The following COL24A1 variants were observed in gnomAD, a reference collection of about 807,000 sequenced individuals.
COL24A1 encodes collagen type XXIV alpha 1 chain.
A neutral mutation model predicts 253.9 loss-of-function variants in COL24A1; 224 were observed. That is an observed-to-expected ratio of 0.88 (90% CI 0.79 to 0.99). The LOEUF is 0.99. Among genes scored for constraint, COL24A1 ranks in the 50% least tolerant of loss-of-function variants. The pLI is 0.00. For missense variants in COL24A1, 2,131 were observed against 2,068.5 expected, an observed-to-expected ratio of 1.03 and a Z score of -0.59; for synonymous variants, 685 against 673.7, an observed-to-expected ratio of 1.02 and a Z score of -0.26.
chr1:86,078,999 C>T (rs1702443080), intron 7 of COL24A1, among the ~76,000 whole-genome samples: 1 of 152,100 alleles, frequency 6.6e-6, no homozygotes, highest in African/African-American at 2.4e-5. Flanking sequence ...ATAGCCAAAG[C>T]TATCCTAAGC....
chr1:85,782,169 C>T (rs992356338), intron 51 of COL24A1, among the ~76,000 whole-genome samples: 2 of 152,178 alleles, frequency 1.3e-5, no homozygotes, highest in Non-Finnish European at 2.9e-5. Context: ...TCACTGTAAC[C>T]TTTGCCTCCT....
intron 10 of COL24A1, among the ~76,000 whole-genome samples, chr1:86,055,137 C>G (rs1018593498): frequency 6.6e-6 from 1 of 152,080 alleles, no homozygotes; most frequent in Non-Finnish European, 1.5e-5. Context: ...ACTATAGATT[C>G]CCTAAGGAGG....
intron 35 of COL24A1, among the ~76,000 whole-genome samples, chr1:85,870,363 GA>G (rs1205427851): frequency 1.8e-4 from 28 of 152,194 alleles, no homozygotes; most frequent in Non-Finnish European, 3.2e-4. Context: ...GACATCTACA[GA>G]ACTTTCCACC....
chr1:85,781,109 T>A, intron 52 of COL24A1, 111 bp downstream of exon 52: 2 of 744,886 alleles, frequency 2.7e-6, no homozygotes, highest in Admixed American at 5.3e-5. Flanking sequence ...AATGTATATC[T>A]ATTTTTTCCA....
chr1:85,817,600 T>A lies in COL24A1; in HGVS notation c.3843+434A>T, dbSNP rs563320915. On this transcript the variant is annotated intron_variant, in intron 46 of 59. Coordinates refer to ENST00000370571, the MANE Select transcript of COL24A1 (RefSeq NM_152890.7). ...GTGAGGTAAAAGTTAATCTTTGTGATGAAAAGATTAAATTTTTTTTCCTAA... is the reference window on the plus strand; with the variant it reads ...GTGAGGTAAAAGTTAATCTTTGTGAAGAAAAGATTAAATTTTTTTTCCTAA... Among the ~76,000 whole-genome samples, 21 of 152,312 alleles carry A rather than the reference T, an allele frequency of 1.4e-4. No homozygotes were observed. In the East Asian group the frequency reaches 3.7e-3, roughly 27 times the overall value.
intron 47 of COL24A1, among the ~76,000 whole-genome samples, chr1:85,792,407 C>T (rs993156074): frequency 1.3e-5 from 2 of 151,050 alleles, no homozygotes; most frequent in African/African-American, 4.9e-5. Flanking sequence ...AAAGATGAGA[C>T]CAGGTGTGGT....
intron 53 of COL24A1, among the ~76,000 whole-genome samples, chr1:85,768,639 T>C (rs1031134460): frequency 6.6e-6 from 1 of 151,978 alleles, no homozygotes; most frequent in Admixed American, 6.6e-5. Flanking sequence ...CATATTCAGA[T>C]CTGGAAAGAA....
chr1:85,947,321 G>A (rs751040919), intron 24 of COL24A1, among the ~76,000 whole-genome samples: 2 of 152,110 alleles, frequency 1.3e-5, no homozygotes, highest in Non-Finnish European at 2.9e-5. Flanking sequence ...AGATAATCAG[G>A]AAACAAAGGT....
At chr1:85,877,356 G>A (rs114920863) in intron 32 of COL24A1, among the ~76,000 whole-genome samples, 181 bp from the exon 33 acceptor site, 2,425 of 152,146 alleles carry the variant, frequency 0.016, 61 homozygotes, top group African/African-American at 0.055. Context: ...ATTGATTCAT[G>A]TATGTGTGTG....
intron 12 of COL24A1, among the ~76,000 whole-genome samples, chr1:86,045,153 C>G (rs1330773570): frequency 1.3e-5 from 2 of 151,998 alleles, no homozygotes; most frequent in Non-Finnish European, 2.9e-5. Flanking sequence ...CCACAGCCAG[C>G]TAATTTTTGT....
At chr1:85,757,517 A>T (rs761713496) in intron 55 of COL24A1, among the ~76,000 whole-genome samples, 10 of 152,174 alleles carry the variant, frequency 6.6e-5, no homozygotes, top group Non-Finnish European at 1.0e-4. Flanking sequence ...AGTCATGCTA[A>T]GGTACCAGCA....
chr1:85,740,431 G>A (rs960880584), intron 57 of COL24A1, among the ~76,000 whole-genome samples: 6 of 151,998 alleles, frequency 3.9e-5, no homozygotes, highest in Admixed American at 2.6e-4. Context: ...ACATGTCTGT[G>A]CTTGTACACA....
At chr1:85,951,273 A>G (rs1689889637) in intron 24 of COL24A1, among the ~76,000 whole-genome samples, 1 of 152,208 alleles carries the variant, frequency 6.6e-6, no homozygotes, top group Admixed American at 6.5e-5. Flanking sequence ...ATATCAAACA[A>G]TGAATGCTAA....
chr1:85,979,739 C>G (rs1189324041), intron 20 of COL24A1, among the ~76,000 whole-genome samples: 1 of 150,996 alleles, frequency 6.6e-6, no homozygotes, highest in Non-Finnish European at 1.5e-5. Flanking sequence ...AGATTCACAG[C>G]TGAATTCTAT....
Position 85,745,440 on chromosome 1 carries a change from C to A in COL24A1, c.4503+1G>T. ...AATATAAATAAAACCAGATATGTTA[C>A]CTCCATCTGTAGGGCAGTATTTGAT... On this transcript the variant is annotated splice_donor_variant, in intron 56 of 59. Coordinates refer to ENST00000370571, the MANE Select transcript of COL24A1 (RefSeq NM_152890.7). LOFTEE classifies it high-confidence loss of function. The A allele has an allele frequency of 6.2e-7, 1 of 1,601,050 alleles. No individual in the cohort carries two copies. The highest frequency in any genetic ancestry group is 1.3e-5 in the African/African-American group (1 of 74,256).
intron 19 of COL24A1, among the ~76,000 whole-genome samples, chr1:85,995,076 T>C (rs903129700): frequency 7.9e-5 from 12 of 152,154 alleles, no homozygotes; most frequent in African/African-American, 2.9e-4. Context: ...TCCACAAAAC[T>C]ACAAAGACAA....
intron 7 of COL24A1, among the ~76,000 whole-genome samples, chr1:86,084,772 G>A (rs569682943): frequency 2.0e-5 from 3 of 152,260 alleles, no homozygotes; most frequent in Non-Finnish European, 2.9e-5. Context: ...CCAAAACTAC[G>A]CCACTTTGGC....
chr1:85,804,444 A>T (rs949821487), intron 47 of COL24A1, among the ~76,000 whole-genome samples: 1 of 152,146 alleles, frequency 6.6e-6, no homozygotes, highest in Non-Finnish European at 1.5e-5. Flanking sequence ...TAAACCCCAA[A>T]AGGATAGTAC....
intron 58 of COL24A1, 28 bp from the exon 59 acceptor site, chr1:85,734,992 T>C (rs1373669523): frequency 6.2e-7 from 1 of 1,602,900 alleles, no homozygotes; most frequent in African/African-American, 1.3e-5. Context: ...ATATGCAGGT[T>C]ATAACATGGC....
Sources: allele counts gnomAD v4.1 joint callset (sites outside exome capture counted in the v4.1 genomes callset), GRCh38; gene constraint gnomAD v4.1.1; transcripts MANE v1.5; gene names NCBI Gene and HGNC (gene_info 2026-07-23, HGNC 2026-07-21).